The following XXYLT1 variants were observed in gnomAD, a reference collection of about 807,000 sequenced individuals.
XXYLT1 encodes the protein UDP-xylose:alpha-xyloside alpha-1,3-xylosyltransferase.
Under a neutral mutation model 28.9 loss-of-function variants are expected in XXYLT1, and 20 were observed. The ratio of observed to expected loss-of-function variants is 0.69; its 90% confidence interval spans 0.49 to 1.00. The LOEUF (loss-of-function observed/expected upper bound fraction) is 1.00, where lower values mean the gene tolerates loss of function less well. XXYLT1 is among the 50% of genes least tolerant of loss of function. The pLI, the probability that XXYLT1 is intolerant of heterozygous loss-of-function variation, is 0.00. For synonymous variants in XXYLT1, 257 were observed against 253.8 expected, an observed-to-expected ratio of 1.01 and a Z score of -0.12; for missense variants, 542 against 560.1, an observed-to-expected ratio of 0.97 and a Z score of 0.33.
intron 1 of XXYLT1, among the ~76,000 whole-genome samples, chr3:195,237,594 A>G (rs1355980410): frequency 6.6e-6 from 1 of 151,708 alleles, no homozygotes; most frequent in East Asian, 1.9e-4. Flanking sequence ...TCTTGTGAGG[A>G]GGATGGTTGG....
rs991010996 is a variant in XXYLT1, at chr3:195,176,823, C to A, written c.653-20242G>T. Among the ~76,000 whole-genome samples, 16 of 152,230 alleles carry A rather than the reference C, an allele frequency of 1.1e-4. No homozygotes were observed. Among genetic ancestry groups the A allele is most frequent in the African/African-American group, 3.6e-4 (15 of 41,452 alleles). Reference sequence around the variant, plus strand: ...ACAGTTCCCATGGTAACCCTCCTTACCTCACAGAGCACAGGCCCACAGGGT... The same window carrying A: ...ACAGTTCCCATGGTAACCCTCCTTAACTCACAGAGCACAGGCCCACAGGGT... On this transcript the variant is annotated intron_variant, in intron 2 of 3. Transcript: ENST00000310380. This position sits in a 1 kb window ranked among gnomAD's most constrained non-coding sequence, Gnocchi z 4.9.
intron 3 of XXYLT1, among the ~76,000 whole-genome samples, chr3:195,113,126 G>A (rs998383550): frequency 6.6e-5 from 10 of 152,170 alleles, no homozygotes; most frequent in African/African-American, 1.7e-4. Flanking sequence ...AGGAGCCCTC[G>A]CACAGAGCCT....
chr3:195,155,534 CT>C (rs59329078), intron 3 of XXYLT1, among the ~76,000 whole-genome samples: 365 of 145,398 alleles, frequency 2.5e-3, no homozygotes, highest in Middle Eastern at 3.5e-3. Context: ...TGTTCCTTTC[CT>C]TTTTTTTTTT....
At chr3:195,224,028 T>C (rs1447195613) in intron 2 of XXYLT1, among the ~76,000 whole-genome samples, 2 of 152,078 alleles carry the variant, frequency 1.3e-5, no homozygotes, top group African/African-American at 2.4e-5. Context: ...TGGTGGCACA[T>C]GCCTGTAATC....
chr3:195,160,285 C>T (rs1423796385), intron 2 of XXYLT1, among the ~76,000 whole-genome samples: 1 of 152,208 alleles, frequency 6.6e-6, no homozygotes, highest in Non-Finnish European at 1.5e-5. Flanking sequence ...AACAGGCCTT[C>T]AGGGAGGGGC....
chr3:195,107,329 C>T (rs1360016142), intron 3 of XXYLT1, among the ~76,000 whole-genome samples: 1 of 150,976 alleles, frequency 6.6e-6, no homozygotes, highest in African/African-American at 2.4e-5. Flanking sequence ...CAAAAATTAG[C>T]CGGGCATGGT....
In XXYLT1 at chr3:195,076,994, C is replaced by A. The variant is rs1289568043; in HGVS notation, c.786-6883G>T. ...GAATTCTGAGGGACACACTTCAACC[C>A]ACAGCACTCTCCAGCAATGAAGATG... On this transcript the variant is annotated intron_variant, in intron 3 of 3. Coordinates refer to ENST00000310380, the MANE Select transcript of XXYLT1 (RefSeq NM_152531.5). This position sits in a 1 kb window ranked among gnomAD's most constrained non-coding sequence, Gnocchi z 5.3. 6.6e-6 allele frequency among the ~76,000 whole-genome samples: 1 copy of A among 152,192 alleles called. No homozygotes were observed. Among genetic ancestry groups the A allele is most frequent in the Non-Finnish European group, 1.5e-5 (1 of 68,032 alleles).
At chr3:195,191,248 TCCTCCA>T (rs1722407095) in intron 2 of XXYLT1, among the ~76,000 whole-genome samples, 1 of 152,110 alleles carries the variant, frequency 6.6e-6, no homozygotes, top group East Asian at 1.9e-4. Context: ...CCCTTCCACC[TCCTCCA>T]CCTCTGCCAC....
rs75788240 is a variant in XXYLT1, at chr3:195,167,041, C to G, written c.653-10460G>C. 2.3e-3 allele frequency among the ~76,000 whole-genome samples: 357 copies of G among 152,312 alleles called. 4 individuals are homozygous for G. In the South Asian group the frequency reaches 0.028, roughly 12 times the overall value. The stretch of plus-strand genomic sequence containing the variant: ...TGCCTGATGTTTCCTCCTGACTAGA[C>G]GCAGGCTGTGCATCTTTGTCAGGAA... On this transcript the variant is annotated intron_variant, in intron 2 of 3. Transcript: ENST00000310380.
chr3:195,070,693 C>T (rs959660018), intron 3 of XXYLT1, among the ~76,000 whole-genome samples: 1 of 152,176 alleles, frequency 6.6e-6, no homozygotes, highest in African/African-American at 2.4e-5. Flanking sequence ...CAGCTGAACC[C>T]TGACTGGAAC....
intron 3 of XXYLT1, among the ~76,000 whole-genome samples, chr3:195,114,215 A>G (rs534291719): frequency 6.6e-6 from 1 of 152,198 alleles, no homozygotes; most frequent in Non-Finnish European, 1.5e-5. Context: ...GCTTCCAGGG[A>G]AAGCTGCATT....
In XXYLT1 at chr3:195,195,875, A is replaced by G. The variant is rs1722605212; in HGVS notation, c.652+30834T>C. 6.6e-6 allele frequency among the ~76,000 whole-genome samples: 1 copy of G among 152,196 alleles called. No individual in the cohort carries two copies. The highest frequency in any genetic ancestry group is 1.5e-5 in the Non-Finnish European group (1 of 68,022). ...TTGAAGTATCCAATGAGCTCCAGTG[A>G]GCCTGAGCCTGGTCAGGACCTCCAA... On this transcript the variant is annotated intron_variant, in intron 2 of 3. Coordinates refer to ENST00000310380, the MANE Select transcript of XXYLT1 (RefSeq NM_152531.5). The surrounding 1 kb of genome is among the most constrained non-coding windows in gnomAD (Gnocchi z 4.4).
rs151336546 is a variant in XXYLT1, at chr3:195,247,019, A to C, written c.505-20163T>G. Among the ~76,000 whole-genome samples the C allele has an allele frequency of 3.5e-3, 527 of 152,302 alleles. 3 individuals are homozygous for C. Among genetic ancestry groups the C allele is most frequent in the African/African-American group, 0.012 (493 of 41,566 alleles). ...AGAATACTCTGAGTGAACTTTTTTG[A>C]AATAATCCTTGCACAGTGGGTAGAA... On this transcript the variant is annotated intron_variant, in intron 1 of 3. Coordinates refer to ENST00000310380, the MANE Select transcript of XXYLT1 (RefSeq NM_152531.5).
At chr3:195,261,306 G>A (rs989406309) in intron 1 of XXYLT1, among the ~76,000 whole-genome samples, 11 of 152,186 alleles carry the variant, frequency 7.2e-5, no homozygotes, top group African/African-American at 1.4e-4. Flanking sequence ...GGTGGCGCAC[G>A]CCTGTGTAAT....
intron 3 of XXYLT1, chr3:195,094,622 G>C (rs370118083): frequency 1.2e-3 from 189 of 154,024 alleles, no homozygotes; most frequent in Non-Finnish European, 1.4e-3. Flanking sequence ...CTTCTCCTGA[G>C]AGAGTCCAGC....
Position 195,180,556 on chromosome 3 carries a change from A to C in XXYLT1, c.653-23975T>G, listed in dbSNP as rs1223600667. On this transcript the variant is annotated intron_variant, in intron 2 of 3. Transcript: ENST00000310380. The surrounding 1 kb of genome is among the most constrained non-coding windows in gnomAD (Gnocchi z 5.8). Reference sequence around the variant, plus strand: ...ACAAACAGATAAGGGTCAGCATCTGAGGCCAGACCCTAAGGCCCTTCCCAG... The same window carrying C: ...ACAAACAGATAAGGGTCAGCATCTGCGGCCAGACCCTAAGGCCCTTCCCAG... 1 of 985,430 alleles carries C rather than the reference A, an allele frequency of 1.0e-6. No homozygotes were observed. The highest frequency in any genetic ancestry group is 1.2e-6 in the Non-Finnish European group (1 of 829,924). The allele number at this position is 985,430 out of a possible 1,614,324, so 61.0% of individuals were successfully genotyped here. A position where few individuals can be genotyped will look rare whatever the true frequency, so the allele number is the denominator to read the frequency against.
rs1721518271 is a variant in XXYLT1, at chr3:195,173,612, T to C, written c.653-17031A>G. On this transcript the variant is annotated intron_variant, in intron 2 of 3. Coordinates refer to ENST00000310380, the MANE Select transcript of XXYLT1 (RefSeq NM_152531.5). The surrounding 1 kb of genome is among the most constrained non-coding windows in gnomAD (Gnocchi z 4.3). ...TCTGGTTTTCAAATGGCCAGTGAGCTTCCCACTTTTCCAAATTCCCTTCCT... is the reference window on the plus strand; with the variant it reads ...TCTGGTTTTCAAATGGCCAGTGAGCCTCCCACTTTTCCAAATTCCCTTCCT... Among the ~76,000 whole-genome samples the C allele has an allele frequency of 6.6e-6, 1 of 152,200 alleles. No individual in the cohort carries two copies. The highest frequency in any genetic ancestry group is 2.1e-4 in the South Asian group (1 of 4,832).
intron 2 of XXYLT1, among the ~76,000 whole-genome samples, chr3:195,222,528 A>G (rs971553476): frequency 6.6e-6 from 1 of 152,102 alleles, no homozygotes; most frequent in Non-Finnish European, 1.5e-5. Flanking sequence ...CAGTAATGCT[A>G]CCCTTGGGAG....
intron 3 of XXYLT1, among the ~76,000 whole-genome samples, chr3:195,099,809 C>T (rs1275585491): frequency 3.1e-5 from 4 of 128,696 alleles, no homozygotes; most frequent in Middle Eastern, 5.2e-3. Flanking sequence ...CCAGCCTGGG[C>T]GACACAGCGA....
Sources: allele counts gnomAD v4.1 joint callset (sites outside exome capture counted in the v4.1 genomes callset), GRCh38; gene constraint gnomAD v4.1.1; non-coding constraint Gnocchi (gnomAD v3.1); transcripts MANE v1.5; gene names NCBI Gene and HGNC (gene_info 2026-07-23, HGNC 2026-07-21).